The following ARHGAP8 variants were observed in gnomAD, a reference collection of about 807,000 sequenced individuals.
ARHGAP8 encodes rho GTPase-activating protein 8.
A neutral mutation model predicts 46.1 loss-of-function variants in ARHGAP8; 62 were observed. That is an observed-to-expected ratio of 1.34 (90% CI 1.10 to 1.66). ARHGAP8 has a LOEUF of 1.66. Among genes scored for constraint, ARHGAP8 ranks in the 40% most tolerant of loss-of-function variants. The pLI, the probability that ARHGAP8 is intolerant of heterozygous loss-of-function variation, is 0.00. For synonymous variants in ARHGAP8, 375 were observed against 243.1 expected (o/e 1.54, Z -5.05); for missense variants, 923 against 568.4 (o/e 1.62, Z -6.34).
At chr22:44,859,018 T>C (rs909123080) in intron 10 of ARHGAP8, among the ~76,000 whole-genome samples, 1 of 151,718 alleles carries the variant, frequency 6.6e-6, no homozygotes, top group African/African-American at 2.4e-5. Flanking sequence ...AAGAAAACGT[T>C]ATTGGCAAAA....
chr22:44,780,876 C>G (rs1387720076), intron 1 of ARHGAP8, among the ~76,000 whole-genome samples: 1 of 152,026 alleles, frequency 6.6e-6, no homozygotes, highest in Non-Finnish European at 1.5e-5. Context: ...GTAGAGCTAC[C>G]CTATAAGGTG....
At chr22:44,860,085 T>C (rs1464170127) in intron 11 of ARHGAP8, among the ~76,000 whole-genome samples, 1 of 152,164 alleles carries the variant, frequency 6.6e-6, no homozygotes, top group African/African-American at 2.4e-5. Flanking sequence ...CCCTCAGCCA[T>C]TGCCAGTGAC....
At chr22:44,759,228 G>C (rs1924932329) in intron 1 of ARHGAP8, among the ~76,000 whole-genome samples, 1 of 152,178 alleles carries the variant, frequency 6.6e-6, no homozygotes, top group African/African-American at 2.4e-5. Context: ...GCTGAGTGCA[G>C]AGACTCAGAC....
chr22:44,858,552 A>T (rs58576218), intron 10 of ARHGAP8, among the ~76,000 whole-genome samples: 59,573 of 102,636 alleles, frequency 0.58, 16,423 homozygotes, highest in East Asian at 0.93. Context: ...TTTTTTTTTT[A>T]AGTAACAGGG....
chr22:44,778,042 A>C (rs1251399610), intron 1 of ARHGAP8, among the ~76,000 whole-genome samples: 3 of 132,728 alleles, frequency 2.3e-5, no homozygotes, highest in South Asian at 5.0e-4. Flanking sequence ...TTATTTATTT[A>C]TTTCCATAGG....
At chr22:44,825,966 G>T (rs908266459) in intron 7 of ARHGAP8, among the ~76,000 whole-genome samples, 1 of 149,500 alleles carries the variant, frequency 6.7e-6, no homozygotes, top group Non-Finnish European at 1.5e-5. Context: ...GTGCCTGATT[G>T]GGGGGACCGG....
chr22:44,800,471 A>C (rs917516688), intron 2 of ARHGAP8, among the ~76,000 whole-genome samples: 1 of 152,178 alleles, frequency 6.6e-6, no homozygotes, highest in Non-Finnish European at 1.5e-5. Context: ...AGAGATAAGC[A>C]GACCCAGTCC....
At chr22:44,823,560 C>T (rs946917539) in intron 6 of ARHGAP8, among the ~76,000 whole-genome samples, 1 of 151,990 alleles carries the variant, frequency 6.6e-6, no homozygotes, top group African/African-American at 2.4e-5. Flanking sequence ...GTGAACTGGA[C>T]CTGGAGGCCA....
intron 5 of ARHGAP8, among the ~76,000 whole-genome samples, chr22:44,820,910 G>A (rs1296992253): frequency 2.0e-5 from 3 of 152,090 alleles, no homozygotes; most frequent in Admixed American, 2.0e-4. Context: ...AGCACTGGGC[G>A]GCCGCTGTCC....
At chr22:44,804,638 C>T (rs1222497985) in intron 3 of ARHGAP8, among the ~76,000 whole-genome samples, 1 of 152,184 alleles carries the variant, frequency 6.6e-6, no homozygotes, top group Non-Finnish European at 1.5e-5. Context: ...GAGGCTGTGC[C>T]TGCCACCACT....
intron 7 of ARHGAP8, among the ~76,000 whole-genome samples, chr22:44,828,503 G>T (rs1321222282): frequency 6.7e-6 from 1 of 149,764 alleles, no homozygotes; most frequent in African/African-American, 2.5e-5. Context: ...AGGCTGGAGT[G>T]CAGTGGCAGG....
chr22:44,756,581 G>GC (rs973043152), intron 1 of ARHGAP8, among the ~76,000 whole-genome samples: 4 of 47,038 alleles, frequency 8.5e-5, no homozygotes, highest in Non-Finnish European at 1.7e-4. Context: ...CCCACACCCC[G>GC]CCCCCCCACC....
chr22:44,830,391 G>T lies in ARHGAP8; in HGVS notation c.596+4798G>T, dbSNP rs566103800. 7.9e-5 allele frequency among the ~76,000 whole-genome samples: 12 copies of T among 151,654 alleles called. No individual in the cohort carries two copies. In the South Asian group the frequency reaches 1.9e-3, roughly 24 times the overall value. On this transcript the variant is annotated intron_variant, in intron 7 of 11. Transcript: ENST00000356099. ...CCATCACCTAGGCTGGAGTGCAGTG[G>T]CACAATCTTGGCTCACTGCAACCTC...
At chr22:44,792,047 C>A (rs1043861993) in intron 2 of ARHGAP8, among the ~76,000 whole-genome samples, 9 of 149,096 alleles carry the variant, frequency 6.0e-5, no homozygotes, top group African/African-American at 2.2e-4. Context: ...GAGTCTTGCT[C>A]TGTTGCCCAG....
At chr22:44,781,074 CGCTGCCGGCGGCTGCCGG>C (rs1201872025) in intron 1 of ARHGAP8, among the ~76,000 whole-genome samples, 1 of 152,154 alleles carries the variant, frequency 6.6e-6, no homozygotes. Context: ...CTATCATGTG[CGCTGCCGGCGGCTGCCGG>C]GCAGATTTCT....
At chr22:44,815,116 GCA>G (rs1929643045) in intron 5 of ARHGAP8, among the ~76,000 whole-genome samples, 1 of 152,182 alleles carries the variant, frequency 6.6e-6, no homozygotes, top group Non-Finnish European at 1.5e-5. Flanking sequence ...CAGAGACAGG[GCA>G]CAGATTTAAG....
At chr22:44,814,833 C>G in intron 5 of ARHGAP8, 75 bp downstream of exon 5, 9 of 1,537,318 alleles carry the variant, frequency 5.9e-6, no homozygotes, top group Non-Finnish European at 8.0e-6. Context: ...ACGGCCTTCC[C>G]TATCCACGCA....
chr22:44,860,592 T>A (rs893370243), intron 11 of ARHGAP8, among the ~76,000 whole-genome samples: 14 of 151,768 alleles, frequency 9.2e-5, no homozygotes, highest in Non-Finnish European at 2.1e-4. Flanking sequence ...AAGGTCACAG[T>A]CAGATTCTCT....
chr22:44,841,242 T>C (rs200200065), intron 7 of ARHGAP8, among the ~76,000 whole-genome samples: 2 of 7,566 alleles, frequency 2.6e-4, no homozygotes, highest in African/African-American at 1.1e-3. Flanking sequence ...GTATTTTTTC[T>C]TTTTTAGAAT....
Sources: gnomAD v4.1 joint callset for allele counts (sites outside exome capture counted in the v4.1 genomes callset) on GRCh38, gnomAD v4.1.1 for gene constraint, MANE v1.5 for transcripts, NCBI Gene and HGNC (gene_info 2026-07-23, HGNC 2026-07-21) for gene names.